Variants in NLRP4 observed in about 807,000 individuals in gnomAD.
NLRP4 encodes NACHT, LRR and PYD domains-containing protein 4.
Under a neutral mutation model 84.7 loss-of-function variants are expected in NLRP4, and 44 were observed. The ratio of observed to expected loss-of-function variants is 0.52; its 90% confidence interval spans 0.41 to 0.67. NLRP4 has a LOEUF of 0.67. Ranked by LOEUF, NLRP4 falls within the 30% of genes least tolerant of loss-of-function variation. The pLI is 0.00. For missense variants in NLRP4, 1,260 were observed against 1,219.4 expected, an observed-to-expected ratio of 1.03 and a Z score of -0.50; for synonymous variants, 544 against 476.4, an observed-to-expected ratio of 1.14 and a Z score of -1.85.
chr19:55,870,538 C>CT (rs1392311081), intron 6 of NLRP4, among the ~76,000 whole-genome samples: 1 of 152,108 alleles, frequency 6.6e-6, no homozygotes, highest in Non-Finnish European at 1.5e-5. Context: ...TTGTGGGTGC[C>CT]TGTAATCTCA....
chr19:55,839,580 T>C (rs1317590704), intron 1 of NLRP4, among the ~76,000 whole-genome samples: 1 of 152,118 alleles, frequency 6.6e-6, no homozygotes, highest in African/African-American at 2.4e-5. Flanking sequence ...ATCAGTTTTA[T>C]TGGCATAAAA....
rs371991895 is a variant in NLRP4, at chr19:55,858,347, G to A, written c.954G>A (p.Pro318=). 18 of 1,614,146 alleles carry A rather than the reference G, an allele frequency of 1.1e-5. No individual in the cohort carries two copies. Among genetic ancestry groups the A allele is most frequent in the African/African-American group, 4.0e-5 (3 of 75,024 alleles). ...LVYFCCFFKD[P]KRAMEAFNLV... is the part of the protein sequence containing the mutation. ...ATTTCTGCTGTTTCTTCAAAGACCC[G>A]AAAAGAGCCATGGAAGCCTTCAATC... is the stretch of plus-strand genomic sequence containing the variant. The change falls in exon 3 of 10, where the codon CCG becomes CCA. Residue 318 remains proline, a synonymous_variant. Coordinates refer to ENST00000301295, the MANE Select transcript of NLRP4 (RefSeq NM_134444.5). The surrounding 1 kb of genome is among the most constrained non-coding windows in gnomAD (Gnocchi z 4.2).
Position 55,877,916 on chromosome 19 carries a change from A to G in NLRP4, c.2696+750A>G, listed in dbSNP as rs566326586. Among the ~76,000 whole-genome samples, 7 of 152,302 alleles carry G rather than the reference A, an allele frequency of 4.6e-5. 1 individual carries two copies. The South Asian group carries it at 1.5e-3, about 32-fold the overall frequency. ...GTACTGGGGTTTAGGACTTCAACGT[A>G]TAAATTTTGGCAGGGACAGAAATGA... is the stretch of plus-strand genomic sequence containing the variant. On this transcript the variant is annotated intron_variant, in intron 8 of 9. Coordinates refer to ENST00000301295, the MANE Select transcript of NLRP4 (RefSeq NM_134444.5).
intron 1 of NLRP4, among the ~76,000 whole-genome samples, chr19:55,843,759 C>G (rs1246004417): frequency 6.6e-6 from 1 of 151,826 alleles, no homozygotes; most frequent in African/African-American, 2.4e-5. Flanking sequence ...AAAGTAATTG[C>G]GGTTTTTGCA....
At chr19:55,853,903 CTCTTTCTCTT>C (rs1316789316) in intron 2 of NLRP4, among the ~76,000 whole-genome samples, 11 of 134,956 alleles carry the variant, frequency 8.2e-5, no homozygotes, top group South Asian at 2.2e-4. Flanking sequence ...CTCTCTCTCT[CTCTTTCTCTT>C]TCTTTCTCTT....
At chr19:55,854,431 A>G (rs941200451) in intron 2 of NLRP4, among the ~76,000 whole-genome samples, 1 of 151,904 alleles carries the variant, frequency 6.6e-6, no homozygotes, top group African/African-American at 2.4e-5. Context: ...GTCTGTTTCT[A>G]CTGTTTCTTT....
chr19:55,858,864 G>A lies in NLRP4; in HGVS notation c.1471G>A (p.Ala491Thr), dbSNP rs141590255. ...ATTGCTAGTTGCCAATTTTGAAAAA[G>A]CAAGGAGAGCACATTGGATTTTTTT... ...QELLVANFEKARRAHWIFLGC... is the reference protein window; with the variant it reads ...QELLVANFEKTRRAHWIFLGC... The change falls in exon 3 of 10, where the codon GCA (alanine) becomes ACA (threonine). Residue 491 changes from alanine (A) to threonine (T), a missense_variant. By Grantham distance (58) the Ala-to-Thr change is moderately conservative. Around this residue, in one of 3 missense-constraint regions of NLRP4, gnomAD observed 712 missense variants for 669.2 expected, o/e 1.06. Transcript: ENST00000301295. The surrounding 1 kb of genome is among the most constrained non-coding windows in gnomAD (Gnocchi z 4.2). The A allele has an allele frequency of 9.9e-4, 1,606 of 1,614,194 alleles. 7 individuals carry two copies. The highest frequency in any genetic ancestry group is 1.2e-3 in the Non-Finnish European group (1,377 of 1,180,028).
At chr19:55,843,512 GA>G (rs1387703365) in intron 1 of NLRP4, among the ~76,000 whole-genome samples, 1 of 151,904 alleles carries the variant, frequency 6.6e-6, no homozygotes, top group East Asian at 1.9e-4. Context: ...CCAACATGGT[GA>G]AACCCTGTCT....
At chr19:55,872,004 C>T (rs751377953) in intron 7 of NLRP4, among the ~76,000 whole-genome samples, 24 of 151,928 alleles carry the variant, frequency 1.6e-4, no homozygotes, top group African/African-American at 4.1e-4. Flanking sequence ...CCCGCCACCA[C>T]GCCTGGCTAA....
Position 55,859,267 on chromosome 19 carries a change from C to A in NLRP4, c.1856+18C>A, listed in dbSNP as rs753283749. ...AGCTCTACGTGAGTCCATCCTATGACTTTTTCTCTCTTCTCAGAATCTGTC... is the reference window on the plus strand; with the variant it reads ...AGCTCTACGTGAGTCCATCCTATGAATTTTTCTCTCTTCTCAGAATCTGTC... On this transcript the variant is annotated intron_variant, in intron 3 of 9. Transcript: ENST00000301295. 25 of 1,560,430 alleles carry A rather than the reference C, an allele frequency of 1.6e-5. 1 individual carries two copies. In the South Asian group the frequency reaches 2.6e-4, roughly 16 times the overall value.
chr19:55,869,325 C>A (rs116322314), intron 6 of NLRP4, among the ~76,000 whole-genome samples: 5,500 of 151,920 alleles, frequency 0.036, 226 homozygotes, highest in Middle Eastern at 0.13. Flanking sequence ...GATCGCACCA[C>A]CACACTTCAG....
At chr19:55,857,273 T>C (rs1440230571) in intron 2 of NLRP4, among the ~76,000 whole-genome samples, 1 of 152,132 alleles carries the variant, frequency 6.6e-6, no homozygotes, top group Non-Finnish European at 1.5e-5. Flanking sequence ...TATATGTGTG[T>C]GTGTGTGTCT....
intron 7 of NLRP4, among the ~76,000 whole-genome samples, chr19:55,871,374 T>C (rs896401883): frequency 3.3e-5 from 5 of 152,020 alleles, no homozygotes; most frequent in African/African-American, 1.2e-4. Context: ...GGGTAAAACG[T>C]GAAGGTGGGA....
chr19:55,841,023 C>T (rs1256923717), intron 1 of NLRP4, among the ~76,000 whole-genome samples: 1 of 152,150 alleles, frequency 6.6e-6, no homozygotes, highest in African/African-American at 2.4e-5. Context: ...CTTAAATTGA[C>T]ATATAATTGT....
At chr19:55,844,130 G>A (rs964041131) in intron 1 of NLRP4, among the ~76,000 whole-genome samples, 2 of 152,116 alleles carry the variant, frequency 1.3e-5, no homozygotes, top group Non-Finnish European at 2.9e-5. Context: ...GCTGGCAGGC[G>A]TAATTTCTTC....
At chr19:55,872,095 G>C (rs956845223) in intron 7 of NLRP4, among the ~76,000 whole-genome samples, 1 of 151,998 alleles carries the variant, frequency 6.6e-6, no homozygotes, top group South Asian at 2.1e-4. Flanking sequence ...TGATCCGCCC[G>C]CCTCGGCCTC....
chr19:55,878,453 C>T (rs1009556521), intron 8 of NLRP4, among the ~76,000 whole-genome samples: 2 of 152,244 alleles, frequency 1.3e-5, no homozygotes, highest in African/African-American at 2.4e-5. Flanking sequence ...GCTCAGAACT[C>T]TCCTAATCTT....
chr19:55,851,702 TGTAATGTCCGAGGCTGC>T (rs1984161192), intron 1 of NLRP4, among the ~76,000 whole-genome samples: 18 of 109,354 alleles, frequency 1.6e-4, no homozygotes. Context: ...GAGGCTGCGG[TGTAATGTCCGAGGCTGC>T]GGTGTAATTT....
chr19:55,858,106 G>T lies in NLRP4; in HGVS notation c.713G>T (p.Gly238Val), dbSNP rs1470218297. The change falls in exon 3 of 10, where the codon GGC becomes GTC. Residue 238 changes from glycine (G) to valine (V), a missense_variant. Transcript: ENST00000301295. The surrounding 1 kb of genome is among the most constrained non-coding windows in gnomAD (Gnocchi z 4.2). ...FVIDSFEELQGGLNEPDSDLC... is the reference protein window; with the variant it reads ...FVIDSFEELQVGLNEPDSDLC... ...ATCGACAGCTTCGAAGAGCTGCAGG[G>T]CGGCTTGAACGAACCCGATTCGGAT... 1.9e-6 allele frequency: 3 copies of T among 1,614,208 alleles called. No homozygotes were observed. The highest frequency in any genetic ancestry group is 2.2e-5 in the East Asian group (1 of 44,884).
Sources: allele counts gnomAD v4.1 joint callset (sites outside exome capture counted in the v4.1 genomes callset), GRCh38; gene constraint gnomAD v4.1.1; regional missense constraint gnomAD v4.1.1; non-coding constraint Gnocchi (gnomAD v3.1); transcripts MANE v1.5; gene names NCBI Gene and HGNC (gene_info 2026-07-23, HGNC 2026-07-21).